Variants in E2F4 observed in about 807,000 individuals in gnomAD.
E2F4 encodes the protein E2F transcription factor 4, also known as transcription factor E2F4.
Under a neutral mutation model 44.5 loss-of-function variants are expected in E2F4, and 16 were observed. The observed-to-expected ratio is 0.36, with a 90% CI of 0.24 to 0.55. The LOEUF (loss-of-function observed/expected upper bound fraction) is 0.55, where lower values mean the gene tolerates loss of function less well. Among genes scored for constraint, E2F4 ranks in the 20% least tolerant of loss-of-function variants. The probability of loss-of-function intolerance (pLI) is 0.87; values close to 1 mark genes in which losing one functional copy is unlikely to be tolerated. For synonymous variants in E2F4, 242 were observed against 207.2 expected (o/e 1.17, Z -1.44); for missense variants, 473 against 522.1 (o/e 0.91, Z 0.92).
In E2F4 at chr16:67,193,478, C is replaced by T. The variant is rs758109303; in HGVS notation, c.414C>T (p.Ala138=). The T allele has an allele frequency of 3.7e-6, 6 of 1,614,232 alleles. No homozygotes were observed. The South Asian group carries it at 5.5e-5, about 15-fold the overall frequency. The change falls in exon 4 of 10, where the codon GCC becomes GCT. Residue 138 remains alanine (A), a synonymous_variant. Transcript: ENST00000379378. ...VTEDVQNSCL[A]YVTHEDICRC... ...TTCTCCTTAACCCTCACACTTTGGCCTACGTCACTCATGAGGACATCTGCA... is the reference window on the plus strand; with the variant it reads ...TTCTCCTTAACCCTCACACTTTGGCTTACGTCACTCATGAGGACATCTGCA...
At chr16:67,195,730 C>A in intron 6 of E2F4, 52 bp from the exon 7 acceptor site, 14 of 1,607,646 alleles carry the variant, frequency 8.7e-6, no homozygotes, top group Non-Finnish European at 1.2e-5. Flanking sequence ...CAGCCAGTTT[C>A]AACGACCTCT....
rs1054379141 is a variant in E2F4 at position 67,194,309 on chromosome 16, A to T, written c.452-89A>T. On this transcript the variant is annotated intron_variant, in intron 4 of 9. Coordinates refer to ENST00000379378, the MANE Select transcript of E2F4 (RefSeq NM_001950.4). ...ACTGTCTAGTTCCTCAGGGACCGTG[A>T]TCTCCTGCCTTGCTCCAAAAGGCAG... The T allele has an allele frequency of 2.8e-6, 4 of 1,431,822 alleles. No homozygotes were observed. In the Admixed American group the frequency reaches 5.4e-5, roughly 19 times the overall value. The allele number at this position is 1,431,822 out of a possible 1,614,324, so 88.7% of individuals were successfully genotyped here.
At position 67,192,177 on chromosome 16, in the gene E2F4, G is replaced by A; in HGVS notation, c.-51G>A. On this transcript the variant is annotated 5_prime_UTR_variant, in exon 1 of 10. Coordinates refer to ENST00000379378, the MANE Select transcript of E2F4 (RefSeq NM_001950.4). The stretch of plus-strand genomic sequence containing the variant: ...GCCAGGAACGGAAGCGGAAGTGGCG[G>A]CGGCGCCGGCCTGGCCTGGCCTGGC... 3 of 1,201,026 alleles carry A rather than the reference G, an allele frequency of 2.5e-6. No individual in the cohort carries two copies. Among genetic ancestry groups the A allele is most frequent in the Non-Finnish European group, 3.1e-6 (3 of 967,356 alleles). 74.4% of individuals were successfully genotyped at this position (1,201,026 alleles called of 1,614,324 possible).
chr16:67,194,361 G>A (rs1389562943), intron 4 of E2F4, 37 bp from the exon 5 acceptor site: 1 of 1,610,718 alleles, frequency 6.2e-7, no homozygotes. Flanking sequence ...CTCAGATTGA[G>A]CCCATGGGCT....
At chr16:67,196,362 G>A (rs1185607060) in intron 7 of E2F4, among the ~76,000 whole-genome samples, 1 of 152,142 alleles carries the variant, frequency 6.6e-6, no homozygotes, top group South Asian at 2.1e-4. Flanking sequence ...GGTTGCAGCA[G>A]TCACCCCCCC....
At chr16:67,195,285 C>T (rs1004675875) in intron 6 of E2F4, among the ~76,000 whole-genome samples, 1 of 152,320 alleles carries the variant, frequency 6.6e-6, no homozygotes, top group African/African-American at 2.4e-5. Flanking sequence ...CAGGCGCCCA[C>T]CATGCGCAGC....
Position 67,198,251 on chromosome 16 carries a change from C to A in E2F4, c.*128C>A. 1 of 787,368 alleles carries A rather than the reference C, an allele frequency of 1.3e-6. No individual in the cohort carries two copies. Among genetic ancestry groups the A allele is most frequent in the Non-Finnish European group, 2.1e-6 (1 of 465,318 alleles). 48.8% of individuals were successfully genotyped at this position (787,368 alleles called of 1,614,324 possible). A position where few individuals can be genotyped will look rare whatever the true frequency, so the allele number is the denominator to read the frequency against. On this transcript the variant is annotated 3_prime_UTR_variant, in exon 10 of 10. Transcript: ENST00000379378. Reference sequence around the variant, plus strand: ...ACGCCTGGCTTCTCCGGCCTCCCCTCACCGCACAGTTCTGGCCACAGCTCC... The same window carrying A: ...ACGCCTGGCTTCTCCGGCCTCCCCTAACCGCACAGTTCTGGCCACAGCTCC...
intron 8 of E2F4, 73 bp from the exon 9 acceptor site, chr16:67,197,794 T>C: frequency 6.2e-7 from 1 of 1,610,028 alleles, no homozygotes. Context: ...CAGGTGGGGT[T>C]CCCTTTCCTG....
In E2F4 at chr16:67,194,789, C is replaced by G; in HGVS notation, c.617C>G (p.Ala206Gly). ...NKEAWSSPPVAVPVPPPEDLL... is the reference protein window; with the variant it reads ...NKEAWSSPPVGVPVPPPEDLL... ...GAGGCATGGAGCTCACCCCCTGTGG[C>G]TGTGCCTGTGCCACCACCTGAAGAT... Residue 206 changes from alanine (A) to glycine (G), a missense_variant, in exon 6 of 10, where the codon GCT becomes GGT. By Grantham distance (60) the Ala-to-Gly change is moderately conservative. Transcript: ENST00000379378. 6.2e-7 allele frequency: 1 copy of G among 1,614,232 alleles called. No individual in the cohort carries two copies. Among genetic ancestry groups the G allele is most frequent in the South Asian group, 1.1e-5 (1 of 91,092 alleles).
At chr16:67,197,509 G>A in intron 7 of E2F4, 90 bp from the exon 8 acceptor site, 3 of 1,329,230 alleles carry the variant, frequency 2.3e-6, no homozygotes, top group Non-Finnish European at 3.2e-6. Context: ...GAGCCTCAGG[G>A]TGGGTGGTAT....
intron 4 of E2F4, among the ~76,000 whole-genome samples, chr16:67,193,816 A>T (rs777920666): frequency 4.6e-5 from 7 of 152,156 alleles, no homozygotes; most frequent in Non-Finnish European, 1.0e-4. Flanking sequence ...GAGAGAGGAT[A>T]TGTGTGTATT....
Position 67,197,886 on chromosome 16 carries a change from G to A in E2F4, c.1101G>A (p.Leu367=). Reference sequence around the variant, plus strand: ...TCCCAGAGTGCATGAGCTCGGAGCTGCTGGAGGAGTTGATGTCCTCAGAAG... The same window carrying A: ...TCCCAGAGTGCATGAGCTCGGAGCTACTGGAGGAGTTGATGTCCTCAGAAG... ...DPTRECMSSE[L]LEELMSSEVF... Residue 367 remains leucine (L), a synonymous_variant, in exon 9 of 10, where the codon CTG becomes CTA. Transcript: ENST00000379378. The A allele has an allele frequency of 6.2e-7, 1 of 1,614,158 alleles. No homozygotes were observed. Among genetic ancestry groups the A allele is most frequent in the African/African-American group, 1.3e-5 (1 of 75,032 alleles).
intron 7 of E2F4, among the ~76,000 whole-genome samples, chr16:67,197,315 G>A (rs987777718): frequency 6.6e-6 from 1 of 152,124 alleles, no homozygotes; most frequent in Non-Finnish European, 1.5e-5. Flanking sequence ...TGTCAGACAG[G>A]GGGTGCATGC....
chr16:67,196,522 A>G (rs143573854), intron 7 of E2F4, among the ~76,000 whole-genome samples: 35 of 152,088 alleles, frequency 2.3e-4, no homozygotes, highest in African/African-American at 3.4e-4. Context: ...TGGCTCTCCT[A>G]TCTCACTGGC....
intron 4 of E2F4, 73 bp downstream of exon 4, chr16:67,193,588 C>G (rs984894108): frequency 1.3e-6 from 2 of 1,512,346 alleles, no homozygotes; most frequent in Non-Finnish European, 1.8e-6. Flanking sequence ...GGCTCAGTGT[C>G]TTAGGAGAGT....
chr16:67,193,193 T>TG (rs1237561577), intron 3 of E2F4, 23 bp downstream of exon 3: 5 of 1,554,420 alleles, frequency 3.2e-6, no homozygotes, highest in Non-Finnish European at 3.5e-6. Flanking sequence ...CGGTCCCTGC[T>TG]GGGGGGAGTG....
chr16:67,198,126 G>T lies in E2F4; in HGVS notation c.*3G>T. The T allele has an allele frequency of 1.2e-6, 2 of 1,612,420 alleles. No individual in the cohort carries two copies. The highest frequency in any genetic ancestry group is 2.2e-5 in the South Asian group (2 of 91,060). On this transcript the variant is annotated 3_prime_UTR_variant, in exon 10 of 10. Coordinates refer to ENST00000379378, the MANE Select transcript of E2F4 (RefSeq NM_001950.4). ...ATGTGCCTGTTCTCAACCTCTGACT[G>T]ACAGGGACATGCCCTGTGTGGCTGG...
At chr16:67,192,895 G>A (rs763256769) in intron 2 of E2F4, 25 bp downstream of exon 2, 1 of 1,593,294 alleles carries the variant, frequency 6.3e-7, no homozygotes, top group East Asian at 2.3e-5. Context: ...TGGGAGGGTA[G>A]TAGAGTCTCC....
chr16:67,194,440 T>C lies in E2F4; in HGVS notation c.494T>C (p.Leu165Pro). 1 of 1,614,062 alleles carries C rather than the reference T, an allele frequency of 6.2e-7. No homozygotes were observed. The highest frequency in any genetic ancestry group is 8.5e-7 in the Non-Finnish European group (1 of 1,180,008). ...ATCCGGGCCCCATCAGGCACCAGCCTGGAGGTGCCCATCCCAGAGGTGGGT... is the reference window on the plus strand; with the variant it reads ...ATCCGGGCCCCATCAGGCACCAGCCCGGAGGTGCCCATCCCAGAGGTGGGT... ...LAIRAPSGTSLEVPIPEGLNG... is the reference protein window; with the variant it reads ...LAIRAPSGTSPEVPIPEGLNG... Residue 165 changes from leucine to proline, a missense_variant, in exon 5 of 10, where the codon CTG becomes CCG. Leu to Pro is a moderately conservative substitution (Grantham distance 98). Transcript: ENST00000379378.
Sources: allele counts gnomAD v4.1 joint callset (sites outside exome capture counted in the v4.1 genomes callset), GRCh38; gene constraint gnomAD v4.1.1; transcripts MANE v1.5; gene names NCBI Gene and HGNC (gene_info 2026-07-23, HGNC 2026-07-21).